The following SCAP variants were observed in gnomAD, a reference collection of about 807,000 sequenced individuals.
SCAP encodes the protein sterol regulatory element-binding protein cleavage-activating protein.
A neutral mutation model predicts 123.6 loss-of-function variants in SCAP; 65 were observed. The ratio of observed to expected loss-of-function variants is 0.53; its 90% CI spans 0.43 to 0.65. The LOEUF (loss-of-function observed/expected upper bound fraction) is 0.65, where lower values mean the gene tolerates loss of function less well. Among genes scored for constraint, SCAP ranks in the 30% least tolerant of loss-of-function variants. The pLI, the probability that SCAP is intolerant of heterozygous loss-of-function variation, is 0.00. For missense variants in SCAP, 1,398 were observed against 1,712.5 expected, an observed-to-expected ratio of 0.82 and a Z score of 3.24; for synonymous variants, 740 against 726.3, an observed-to-expected ratio of 1.02 and a Z score of -0.30.
In SCAP at chr3:47,462,192, T is replaced by G. The variant is rs182299317; in HGVS notation, c.-99+13607A>C. On this transcript the variant is annotated intron_variant, in intron 1 of 22. Coordinates refer to ENST00000265565, the MANE Select transcript of SCAP (RefSeq NM_012235.4). ...GGTATTAAGTACATTCATATTGTTG[T>G]GCAGCCATCACCACCATCCATCTTT... 3.4e-3 allele frequency among the ~76,000 whole-genome samples: 515 copies of G among 152,342 alleles called. 4 individuals are homozygous for G. Among genetic ancestry groups the G allele is most frequent in the Non-Finnish European group, 5.1e-3 (347 of 68,038 alleles).
At chr3:47,421,456 C>T (rs1391148191) in intron 10 of SCAP, 2 of 173,480 alleles carry the variant, frequency 1.2e-5, no homozygotes, top group Non-Finnish European at 2.5e-5. Flanking sequence ...AGGTTCCCAG[C>T]CAGCAACTGC....
chr3:47,446,860 C>T (rs1479990439), intron 1 of SCAP, among the ~76,000 whole-genome samples: 1 of 152,094 alleles, frequency 6.6e-6, no homozygotes, highest in Non-Finnish European at 1.5e-5. Context: ...GGGAGGATCA[C>T]TTGAGCCAAA....
intron 1 of SCAP, among the ~76,000 whole-genome samples, chr3:47,463,359 G>A (rs17079656): frequency 0.033 from 4,979 of 152,162 alleles, 284 homozygotes; most frequent in African/African-American, 0.11. Flanking sequence ...TTCCATCCTC[G>A]ATAAATCTTT....
At chr3:47,467,292 T>C (rs1479574834) in intron 1 of SCAP, among the ~76,000 whole-genome samples, 1 of 151,954 alleles carries the variant, frequency 6.6e-6, no homozygotes, top group Non-Finnish European at 1.5e-5. Flanking sequence ...GAAAAGGACT[T>C]GAATGAACAT....
chr3:47,417,493 G>A lies in SCAP; in HGVS notation c.2781C>T (p.Ala927=), dbSNP rs746199202. The A allele has an allele frequency of 4.1e-5, 64 of 1,551,402 alleles. 1 individual carries two copies. Among genetic ancestry groups the A allele is most frequent in the Middle Eastern group, 1.8e-4 (1 of 5,546 alleles). Residue 927 remains alanine, a synonymous_variant, in exon 17 of 23, where the codon GCC becomes GCT. Transcript: ENST00000265565. ...QRVYQEEGLA[A]VCTPALRPPS... Reference sequence around the variant, plus strand: ...GTGGGCGCAGGGCTGGTGTGCAGACGGCCGCCAGCCCCTCCTCCTGGTACA... The same window carrying A: ...GTGGGCGCAGGGCTGGTGTGCAGACAGCCGCCAGCCCCTCCTCCTGGTACA...
rs182040750 is a variant in SCAP, at chr3:47,419,071, G to C, written c.1941-228C>G. 1.3e-5 allele frequency among the ~76,000 whole-genome samples: 2 copies of C among 152,142 alleles called. No individual in the cohort carries two copies. The highest frequency in any genetic ancestry group is 4.8e-5 in the African/African-American group (2 of 41,422). ...CAAACAGCCCTGGTGGCCGTGTGGG[G>C]TATCTCCCTCCCCACTCCTGGCACA... On this transcript the variant is annotated intron_variant, in intron 13 of 22. Transcript: ENST00000265565. This position sits in a 1 kb window ranked among gnomAD's most constrained non-coding sequence, Gnocchi z 5.0.
chr3:47,420,910 C>A lies in SCAP; in HGVS notation c.1344+21G>T. On this transcript the variant is annotated intron_variant, in intron 11 of 22. Transcript: ENST00000265565. The surrounding 1 kb of genome is among the most constrained non-coding windows in gnomAD (Gnocchi z 5.0). ...GCCAGGGCTGAGGAGGCGGGCAGGG[C>A]AGGGCTCAGCCCACTCCTACCTCCA... 1 of 1,608,084 alleles carries A rather than the reference C, an allele frequency of 6.2e-7. No homozygotes were observed. The highest frequency in any genetic ancestry group is 8.5e-7 in the Non-Finnish European group (1 of 1,174,836).
chr3:47,448,029 A>C (rs1305102322), intron 1 of SCAP, among the ~76,000 whole-genome samples: 1 of 151,528 alleles, frequency 6.6e-6, no homozygotes, highest in East Asian at 1.9e-4. Flanking sequence ...AAAAAAAAAA[A>C]AAAACTTGAT....
At chr3:47,426,257 AC>A (rs1706125351) in intron 6 of SCAP, 88 bp from the exon 7 acceptor site, 1 of 1,321,316 alleles carries the variant, frequency 7.6e-7, no homozygotes, top group Non-Finnish European at 1.0e-6. Flanking sequence ...GTCCATCAGG[AC>A]CTCCCTCCTG....
chr3:47,419,448 A>G lies in SCAP; in HGVS notation c.1820T>C (p.Val607Ala), dbSNP rs1034912575. Residue 607 changes from valine to alanine, a missense_variant, in exon 13 of 23, where the codon GTC becomes GCC. Coordinates refer to ENST00000265565, the MANE Select transcript of SCAP (RefSeq NM_012235.4). This position sits in a 1 kb window ranked among gnomAD's most constrained non-coding sequence, Gnocchi z 5.0. ...TACCTCTGGGACTGGGCTGTCATGG[A>G]CAACCTCTGCTGGACCTCCACGCTC... ...SPERGGPAEV[V>A]HDSPVPEVTW... is the part of the protein sequence containing the mutation. The G allele has an allele frequency of 1.2e-6, 2 of 1,613,808 alleles. No homozygotes were observed. The highest frequency in any genetic ancestry group is 3.3e-5 in the Admixed American group (2 of 60,000).
chr3:47,417,958 GGGGT>G (rs1705695135), intron 16 of SCAP, 132 bp from the exon 17 acceptor site: 2 of 403,764 alleles, frequency 5.0e-6, no homozygotes, highest in Non-Finnish European at 9.3e-6. Context: ...AGGGTGGTGC[GGGGT>G]GGGGAGAGGG....
At chr3:47,441,899 G>C (rs13078883) in intron 2 of SCAP, among the ~76,000 whole-genome samples, 1 of 29,530 alleles carries the variant, frequency 3.4e-5, no homozygotes, top group Non-Finnish European at 7.5e-5. Flanking sequence ...TTTTTTTTTT[G>C]GTCTTGCTAT....
chr3:47,473,398 G>T (rs982238744), intron 1 of SCAP, among the ~76,000 whole-genome samples: 1 of 152,136 alleles, frequency 6.6e-6, no homozygotes, highest in Admixed American at 6.6e-5. Flanking sequence ...CCTGAACCTT[G>T]TTTCTTTAGC....
rs1218211582 is a variant in SCAP, at chr3:47,464,432, T to C, written c.-99+11367A>G. Among the ~76,000 whole-genome samples the C allele has an allele frequency of 2.0e-5, 3 of 152,116 alleles. No individual in the cohort carries two copies. In the East Asian group the frequency reaches 5.8e-4, roughly 29 times the overall value. Reference sequence around the variant, plus strand: ...CATCTCAGATGACAAGTGGAATTTATTCCCAAAGTGCAAGGATGGTTTAAC... The same window carrying C: ...CATCTCAGATGACAAGTGGAATTTACTCCCAAAGTGCAAGGATGGTTTAAC... On this transcript the variant is annotated intron_variant, in intron 1 of 22. Transcript: ENST00000265565.
Position 47,437,389 on chromosome 3 carries a change from T to A in SCAP, c.123-2252A>T, listed in dbSNP as rs1180574435. Among the ~76,000 whole-genome samples the A allele has an allele frequency of 3.1e-5, 4 of 129,024 alleles. No individual in the cohort carries two copies. In the Admixed American group the frequency reaches 3.9e-4, roughly 13 times the overall value. 84.6% of individuals were successfully genotyped at this position (129,024 alleles called of 152,430 possible). A position where few individuals can be genotyped will look rare whatever the true frequency, so the allele number is the denominator to read the frequency against. On this transcript the variant is annotated intron_variant, in intron 2 of 22. Transcript: ENST00000265565. The stretch of plus-strand genomic sequence containing the variant: ...GTGAGCTGAGATGGCGCCACTGCAC[T>A]CTAGCCTGGGCAACAAGAGTGAAAC...
chr3:47,414,734 A>T, intron 20 of SCAP, 82 bp from the exon 21 acceptor site: 1 of 1,608,782 alleles, frequency 6.2e-7, no homozygotes, highest in African/African-American at 1.3e-5. Context: ...TCTGTTCTTC[A>T]TCAGGACTCT....
At chr3:47,415,404 C>A (rs759305791) in intron 18 of SCAP, among the ~76,000 whole-genome samples, 5 of 152,154 alleles carry the variant, frequency 3.3e-5, no homozygotes, top group African/African-American at 1.2e-4. Flanking sequence ...GATAAGAGTA[C>A]CCACCTCACA....
chr3:47,463,182 A>C (rs1707708912), intron 1 of SCAP, among the ~76,000 whole-genome samples: 1 of 152,316 alleles, frequency 6.6e-6, no homozygotes, highest in South Asian at 2.1e-4. Context: ...CCTCCGGCGG[A>C]AAGTTTAGGA....
chr3:47,445,173 G>A (rs1706981486), intron 1 of SCAP, among the ~76,000 whole-genome samples: 1 of 151,428 alleles, frequency 6.6e-6, no homozygotes, highest in Non-Finnish European at 1.5e-5. Context: ...TCTATGTTTT[G>A]CCTATTGTGA....
Sources: allele counts gnomAD v4.1 joint callset (sites outside exome capture counted in the v4.1 genomes callset), GRCh38; gene constraint gnomAD v4.1.1; non-coding constraint Gnocchi (gnomAD v3.1); transcripts MANE v1.5; gene names NCBI Gene and HGNC (gene_info 2026-07-23, HGNC 2026-07-21).